RELN: variants seen among roughly 807,000 people sequenced by gnomAD.
RELN encodes reelin.
A neutral mutation model predicts 427.6 loss-of-function variants in RELN; 108 were observed. That is an observed-to-expected ratio of 0.25 (90% CI 0.22 to 0.30). The LOEUF (loss-of-function observed/expected upper bound fraction) is 0.30. Among genes scored for constraint, RELN ranks in the 10% least tolerant of loss-of-function variants. RELN has a pLI of 1.00. For missense variants in RELN, 3,715 were observed against 4,302.8 expected, an observed-to-expected ratio of 0.86 and a Z score of 3.82; for synonymous variants, 1,524 against 1,513.4, an observed-to-expected ratio of 1.01 and a Z score of -0.16.
At chr7:103,977,942 C>G (rs1796914987) in intron 1 of RELN, among the ~76,000 whole-genome samples, 1 of 152,120 alleles carries the variant, frequency 6.6e-6, no homozygotes, top group Non-Finnish European at 1.5e-5. Flanking sequence ...AATACCATAC[C>G]AGCAAAACAA....
chr7:103,926,612 T>C (rs1795742435), intron 1 of RELN, among the ~76,000 whole-genome samples: 1 of 147,732 alleles, frequency 6.8e-6, no homozygotes, highest in South Asian at 2.2e-4. Flanking sequence ...CGAACGCAGC[T>C]CTAAAGTATC....
At chr7:103,753,085 G>C in intron 5 of RELN, 97 bp downstream of exon 5, 1 of 1,217,142 alleles carries the variant, frequency 8.2e-7, no homozygotes, top group Non-Finnish European at 1.2e-6. Context: ...AGAGAGGACA[G>C]CTTCCTTGCC....
At chr7:103,891,497 G>C (rs1428981691) in intron 2 of RELN, among the ~76,000 whole-genome samples, 2 of 152,080 alleles carry the variant, frequency 1.3e-5, no homozygotes, top group Admixed American at 1.3e-4. Context: ...TAGTGAGCAT[G>C]TTCAATGCTT....
chr7:103,889,345 C>T (rs1018083524), intron 2 of RELN, among the ~76,000 whole-genome samples: 3 of 152,184 alleles, frequency 2.0e-5, no homozygotes, highest in African/African-American at 7.2e-5. Flanking sequence ...CCATTAAGAG[C>T]ACTGACAACA....
At chr7:103,767,626 CA>C (rs541454835) in intron 4 of RELN, among the ~76,000 whole-genome samples, 9 of 151,624 alleles carry the variant, frequency 5.9e-5, no homozygotes, top group Admixed American at 2.6e-4. Context: ...ATAATTGCTG[CA>C]AAAAAAACTG....
intron 3 of RELN, among the ~76,000 whole-genome samples, chr7:103,820,470 T>C (rs1182666054): frequency 6.6e-6 from 1 of 152,024 alleles, no homozygotes; most frequent in African/African-American, 2.4e-5. Flanking sequence ...ATGTTTATAC[T>C]TTTTGAGAAA....
At chr7:103,812,658 C>G (rs1345895286) in intron 3 of RELN, among the ~76,000 whole-genome samples, 2 of 152,144 alleles carry the variant, frequency 1.3e-5, no homozygotes, top group African/African-American at 2.4e-5. Context: ...TTTTCTTTTT[C>G]TTACTACTTT....
chr7:103,942,708 T>C (rs1796139580), intron 1 of RELN, among the ~76,000 whole-genome samples: 1 of 151,982 alleles, frequency 6.6e-6, no homozygotes, highest in African/African-American at 2.4e-5. Context: ...GGTCAAGAGG[T>C]TGAGACCATC....
intron 2 of RELN, among the ~76,000 whole-genome samples, chr7:103,858,001 G>GT (rs1793985309): frequency 6.8e-6 from 1 of 147,868 alleles, no homozygotes; most frequent in Non-Finnish European, 1.5e-5. Flanking sequence ...CCTCTTCAAT[G>GT]GTTTCTTTTT....
intron 3 of RELN, among the ~76,000 whole-genome samples, chr7:103,811,363 A>G (rs1792739647): frequency 6.6e-6 from 1 of 152,204 alleles, no homozygotes; most frequent in East Asian, 1.9e-4. Flanking sequence ...AGGTACTGTA[A>G]AACACATTTG....
intron 1 of RELN, among the ~76,000 whole-genome samples, chr7:103,984,995 AC>A (rs1288064867): frequency 1.3e-5 from 2 of 152,222 alleles, no homozygotes; most frequent in Non-Finnish European, 2.9e-5. Flanking sequence ...TTAAATAGCA[AC>A]CAGTTAATTT....
At chr7:103,803,774 G>A (rs1220545362) in intron 3 of RELN, among the ~76,000 whole-genome samples, 4 of 152,098 alleles carry the variant, frequency 2.6e-5, no homozygotes, top group South Asian at 2.1e-4. Flanking sequence ...CACATTTCCA[G>A]GATAACAGCA....
intron 4 of RELN, among the ~76,000 whole-genome samples, chr7:103,768,853 A>G (rs1791492289): frequency 6.6e-6 from 1 of 152,190 alleles, no homozygotes; most frequent in Non-Finnish European, 1.5e-5. Context: ...TTGAGAAGGG[A>G]TTTATTCTCC....
At chr7:103,826,911 G>A (rs556796802) in intron 3 of RELN, among the ~76,000 whole-genome samples, 1 of 151,254 alleles carries the variant, frequency 6.6e-6, no homozygotes, top group Non-Finnish European at 1.5e-5. Flanking sequence ...TGGATACCAA[G>A]TTCAGTCCAT....
intron 1 of RELN, among the ~76,000 whole-genome samples, chr7:103,975,472 A>G (rs187705263): frequency 1.3e-5 from 2 of 152,322 alleles, no homozygotes; most frequent in Non-Finnish European, 2.9e-5. Flanking sequence ...ATGAAGAAAA[A>G]TATAGCAGTC....
chr7:103,736,758 G>A (rs1790503719), intron 6 of RELN, among the ~76,000 whole-genome samples: 1 of 152,102 alleles, frequency 6.6e-6, no homozygotes. Context: ...TCCTTTGAGT[G>A]AGCTCTTGTT....
intron 2 of RELN, among the ~76,000 whole-genome samples, chr7:103,894,031 T>A (rs913949154): frequency 2.6e-5 from 4 of 152,178 alleles, no homozygotes; most frequent in African/African-American, 9.6e-5. Flanking sequence ...AATTCCTATT[T>A]CAATAACTTC....
At chr7:103,599,457 A>T (rs1483131815) in intron 24 of RELN, among the ~76,000 whole-genome samples, 1 of 152,060 alleles carries the variant, frequency 6.6e-6, no homozygotes, top group East Asian at 1.9e-4. Flanking sequence ...TAGTCTCAAG[A>T]GTATGTATTG....
chr7:103,745,271 T>C (rs892632773), intron 6 of RELN, among the ~76,000 whole-genome samples: 3 of 151,956 alleles, frequency 2.0e-5, no homozygotes, highest in African/African-American at 4.8e-5. Context: ...TATCTCAAAA[T>C]AATAAGAGCT....
Sources: gnomAD v4.1 joint callset for allele counts (sites outside exome capture counted in the v4.1 genomes callset) on GRCh38, gnomAD v4.1.1 for gene constraint, MANE v1.5 for transcripts, NCBI Gene and HGNC (gene_info 2026-07-23, HGNC 2026-07-21) for gene names.